Variants in DGKG observed in about 807,000 individuals in gnomAD.
DGKG encodes diacylglycerol kinase gamma, also known as DAG kinase gamma.
DGKG carries 78 observed loss-of-function variants against 105.3 expected under a neutral mutation model. The ratio of observed to expected loss-of-function variants is 0.74; its 90% confidence interval spans 0.62 to 0.89. DGKG has a LOEUF of 0.89. Ranked by LOEUF, DGKG falls within the 40% of genes least tolerant of loss-of-function variation. DGKG has a pLI of 0.00. For synonymous variants in DGKG, 346 were observed against 367.1 expected, an observed-to-expected ratio of 0.94 and a Z score of 0.66; for missense variants, 958 against 1,020.1, an observed-to-expected ratio of 0.94 and a Z score of 0.83.
intron 1 of DGKG, among the ~76,000 whole-genome samples, chr3:186,342,062 T>A (rs1393724541): frequency 2.0e-5 from 3 of 152,194 alleles, no homozygotes; most frequent in Non-Finnish European, 4.4e-5. Context: ...ATATACCTAA[T>A]GCTAGATGAC....
At chr3:186,247,256 C>A (rs960611226) in intron 19 of DGKG, among the ~76,000 whole-genome samples, 3 of 152,166 alleles carry the variant, frequency 2.0e-5, no homozygotes, top group Non-Finnish European at 4.4e-5. Flanking sequence ...GGCCAGGAGA[C>A]CCTGCCTTAT....
At chr3:186,196,421 G>A (rs992907242) in intron 21 of DGKG, among the ~76,000 whole-genome samples, 9 of 152,198 alleles carry the variant, frequency 5.9e-5, no homozygotes, top group Non-Finnish European at 1.0e-4. Flanking sequence ...TTACAGGCAT[G>A]AGCCACTGCG....
chr3:186,290,257 G>A (rs1346057807), intron 5 of DGKG, among the ~76,000 whole-genome samples: 1 of 152,154 alleles, frequency 6.6e-6, no homozygotes, highest in Non-Finnish European at 1.5e-5. Context: ...AAATACAATA[G>A]GATGAGATAA....
intron 16 of DGKG, among the ~76,000 whole-genome samples, chr3:186,260,093 T>C (rs1343485190): frequency 6.6e-6 from 1 of 152,344 alleles, no homozygotes; most frequent in East Asian, 1.9e-4. Flanking sequence ...TGATTCAGTA[T>C]GAAGACACCA....
intron 1 of DGKG, among the ~76,000 whole-genome samples, chr3:186,331,968 C>T (rs1291595453): frequency 2.6e-5 from 4 of 151,928 alleles, no homozygotes; most frequent in East Asian, 1.9e-4. Flanking sequence ...CCCAAGTTAT[C>T]CTACTAGTAA....
chr3:186,211,575 C>G (rs1402225228), intron 21 of DGKG, among the ~76,000 whole-genome samples: 1 of 152,180 alleles, frequency 6.6e-6, no homozygotes, highest in African/African-American at 2.4e-5. Context: ...TCTGGGCTCT[C>G]GGGGCCTCTG....
chr3:186,300,414 G>C (rs9868652), intron 3 of DGKG, among the ~76,000 whole-genome samples: 1 of 151,936 alleles, frequency 6.6e-6, no homozygotes, highest in Non-Finnish European at 1.5e-5. Flanking sequence ...GGTCACAGAC[G>C]TGATCATCTC....
At chr3:186,193,677 G>A (rs941994248) in intron 21 of DGKG, among the ~76,000 whole-genome samples, 1 of 152,208 alleles carries the variant, frequency 6.6e-6, no homozygotes, top group African/African-American at 2.4e-5. Context: ...AAGTGGAGCC[G>A]AGCCCGGGAC....
intron 24 of DGKG, among the ~76,000 whole-genome samples, chr3:186,153,379 G>A (rs1233870910): frequency 6.6e-6 from 1 of 152,120 alleles, no homozygotes; most frequent in East Asian, 1.9e-4. Flanking sequence ...TCTGTAGTTA[G>A]CACCCAAGCT....
intron 20 of DGKG, among the ~76,000 whole-genome samples, chr3:186,236,488 A>G (rs1720426391): frequency 1.3e-5 from 2 of 152,248 alleles, no homozygotes; most frequent in African/African-American, 2.4e-5. Flanking sequence ...CAAAGGATTA[A>G]GAAGATTAAC....
At chr3:186,358,138 C>T (rs188676148) in intron 1 of DGKG, among the ~76,000 whole-genome samples, 2 of 152,350 alleles carry the variant, frequency 1.3e-5, no homozygotes, top group East Asian at 1.9e-4. Context: ...TTCGTTCATT[C>T]GTCACATTTA....
At chr3:186,316,999 G>A (rs1219359493) in intron 2 of DGKG, among the ~76,000 whole-genome samples, 2 of 152,344 alleles carry the variant, frequency 1.3e-5, no homozygotes, top group East Asian at 3.9e-4. Flanking sequence ...CAGTAGCAGA[G>A]TGCCTCATCC....
chr3:186,318,428 C>T (rs1040911456), intron 2 of DGKG, among the ~76,000 whole-genome samples: 2 of 152,216 alleles, frequency 1.3e-5, no homozygotes, highest in Admixed American at 1.3e-4. Context: ...CTCTTTCCTC[C>T]ATGGAGTTTA....
chr3:186,161,139 G>C (rs1716270464), intron 24 of DGKG: 4 of 987,790 alleles, frequency 4.0e-6, no homozygotes, highest in Non-Finnish European at 4.8e-6. Context: ...TTTCTCCCGG[G>C]AGCTCCAGCA....
chr3:186,218,154 T>A lies in DGKG; in HGVS notation c.1827-6269A>T, dbSNP rs577445910. 3.9e-5 allele frequency among the ~76,000 whole-genome samples: 6 copies of A among 152,240 alleles called. No individual in the cohort carries two copies. The South Asian group carries it at 6.2e-4, about 16-fold the overall frequency. On this transcript the variant is annotated intron_variant, in intron 20 of 24. Coordinates refer to ENST00000265022, the MANE Select transcript of DGKG (RefSeq NM_001346.3). Reference sequence around the variant, plus strand: ...GACCCCATTATCAAACACACCAGCATGTGACTTCATGAGAGTCACTCAGCA... The same window carrying A: ...GACCCCATTATCAAACACACCAGCAAGTGACTTCATGAGAGTCACTCAGCA...
rs1426617128 is a variant in DGKG at position 186,202,697 on chromosome 3, G to C, written c.1917+9098C>G. On this transcript the variant is annotated intron_variant, in intron 21 of 24. Coordinates refer to ENST00000265022, the MANE Select transcript of DGKG (RefSeq NM_001346.3). ...TATGCTTCCTGGGGCTGGGACAGAA[G>C]TTGGCTGAGAGGATCTTCCAGAAAG... Among the ~76,000 whole-genome samples the C allele has an allele frequency of 3.3e-5, 5 of 152,224 alleles. No individual in the cohort carries two copies. The South Asian group carries it at 1.0e-3, about 31-fold the overall frequency.
At chr3:186,188,159 A>G (rs1407765304) in intron 22 of DGKG, 43 bp downstream of exon 22, 21 of 1,607,508 alleles carry the variant, frequency 1.3e-5, no homozygotes, top group Non-Finnish European at 1.8e-5. Flanking sequence ...GGCACCTACT[A>G]CTGGGCATTG....
At chr3:186,181,615 C>T (rs1020476903) in intron 22 of DGKG, among the ~76,000 whole-genome samples, 4 of 152,286 alleles carry the variant, frequency 2.6e-5, no homozygotes, top group Middle Eastern at 6.8e-3. Flanking sequence ...CACCTGTAAT[C>T]CCAGCTACCT....
In DGKG at chr3:186,150,025, G is replaced by A. The variant is rs1715681638; in HGVS notation, c.*65C>T. On this transcript the variant is annotated 3_prime_UTR_variant, in exon 25 of 25. Coordinates refer to ENST00000265022, the MANE Select transcript of DGKG (RefSeq NM_001346.3). ...GCATGTGTGAGTGTGCACATAAATT[G>A]TGTGTGAGTGTGCATTATAGTTTCT... 28 of 1,557,976 alleles carry A rather than the reference G, an allele frequency of 1.8e-5. No homozygotes were observed. In the Middle Eastern group the frequency reaches 8.4e-4, roughly 47 times the overall value.
Sources: allele counts gnomAD v4.1 joint callset (sites outside exome capture counted in the v4.1 genomes callset), GRCh38; gene constraint gnomAD v4.1.1; transcripts MANE v1.5; gene names NCBI Gene and HGNC (gene_info 2026-07-23, HGNC 2026-07-21).